Variants in CCDC144A observed in about 807,000 individuals in gnomAD.
CCDC144A encodes coiled-coil domain-containing protein 144A.
CCDC144A carries 41 observed loss-of-function variants against 143.8 expected under a neutral mutation model. The ratio of observed to expected loss-of-function variants is 0.29; its 90% CI spans 0.22 to 0.37. The LOEUF is 0.37. CCDC144A is among the 10% of genes least tolerant of loss of function. The pLI, the probability that CCDC144A is intolerant of heterozygous loss-of-function variation, is 1.00. For synonymous variants in CCDC144A, 242 were observed against 517.9 expected (o/e 0.47, Z 7.23); for missense variants, 637 against 1,488.8 (o/e 0.43, Z 9.41).
chr17:16,677,837 G>A, the CCDC144A span, among the ~76,000 whole-genome samples: 1 of 151,742 alleles, frequency 6.6e-6, no homozygotes, highest in African/African-American at 2.4e-5. Context: ...ATGAAAGCAG[G>A]AGGTAAATTG....
intron 2 of CCDC144A, among the ~76,000 whole-genome samples, chr17:16,693,317 T>TG (rs1911197690): frequency 8.4e-6 from 1 of 118,860 alleles, no homozygotes; most frequent in South Asian, 3.6e-4. Flanking sequence ...AGAAAAAGTG[T>TG]TTTTTTTTGT....
the CCDC144A span, among the ~76,000 whole-genome samples, chr17:16,667,312 G>GGCTGAGGC: frequency 8.1e-6 from 1 of 123,162 alleles, no homozygotes. Flanking sequence ...GCGGCTGAGG[G>GGCTGAGGC]GCTGAGGAGG....
chr17:16,741,951 T>G (rs4125016), intron 12 of CCDC144A, among the ~76,000 whole-genome samples: 16,970 of 152,004 alleles, frequency 0.11, 1,202 homozygotes, highest in South Asian at 0.29. Context: ...AAGCCAGGTG[T>G]AGTGGCACAC....
At chr17:16,734,455 G>GC in intron 11 of CCDC144A, among the ~76,000 whole-genome samples, 1 of 152,152 alleles carries the variant, frequency 6.6e-6, no homozygotes, top group African/African-American at 2.4e-5. Flanking sequence ...ATTCTGAGAT[G>GC]CTTAAAAATT....
the CCDC144A span, chr17:16,683,455 C>G: frequency 7.9e-7 from 1 of 1,271,078 alleles, no homozygotes. Flanking sequence ...GCTTCTGTCC[C>G]TGGCGGCAGA....
chr17:16,678,775 T>G, the CCDC144A span, among the ~76,000 whole-genome samples: 17 of 128,818 alleles, frequency 1.3e-4, no homozygotes, highest in African/African-American at 4.3e-4. Flanking sequence ...TTTTTTTTGG[T>G]CGGAGTTTTG....
chr17:16,758,356 C>T (rs1645606167), intron 12 of CCDC144A, among the ~76,000 whole-genome samples: 1 of 152,240 alleles, frequency 6.6e-6, no homozygotes, highest in African/African-American at 2.4e-5. Flanking sequence ...GCTTGAAGTG[C>T]AAGATCCTAC....
the CCDC144A span, among the ~76,000 whole-genome samples, chr17:16,678,971 C>T: frequency 6.6e-6 from 1 of 151,914 alleles, no homozygotes; most frequent in Non-Finnish European, 1.5e-5. Context: ...TCAGGCTGGT[C>T]TCAAACTCCC....
the CCDC144A span, among the ~76,000 whole-genome samples, chr17:16,674,708 C>A: frequency 1.3e-5 from 2 of 152,020 alleles, no homozygotes; most frequent in African/African-American, 4.8e-5. Flanking sequence ...AACAATCTAA[C>A]CAACAATATG....
At chr17:16,683,457 G>C in the CCDC144A span, 8 of 1,282,392 alleles carry the variant, frequency 6.2e-6, no homozygotes, top group Non-Finnish European at 8.9e-6. Flanking sequence ...TTCTGTCCCT[G>C]GCGGCAGAGT....
chr17:16,690,704 C>G lies in CCDC144A; in HGVS notation c.304C>G (p.Pro102Ala), dbSNP rs775425256. The change falls in exon 1 of 17, where the codon CCT (proline) becomes GCT (alanine). Residue 102 changes from proline (P) to alanine (A), a missense_variant. Coordinates refer to ENST00000399273, the MANE Select transcript of CCDC144A (RefSeq NM_001382000.1). The stretch of plus-strand genomic sequence containing the variant: ...CCCTGGGGTGGAGCACATCTTAGCT[C>G]CTGGAGACACTGGCGTGGACAAGAG... Reference protein sequence around the residue: ...DVPGVEHILAPGDTGVDKRDR... With the variant: ...DVPGVEHILAAGDTGVDKRDR... 2 of 1,612,898 alleles carry G rather than the reference C, an allele frequency of 1.2e-6. No individual in the cohort carries two copies. The highest frequency in any genetic ancestry group is 1.1e-5 in the South Asian group (1 of 91,042).
At chr17:16,706,313 C>A (rs1414247468) in intron 3 of CCDC144A, 1 of 145,106 alleles carries the variant, frequency 6.9e-6, no homozygotes. Flanking sequence ...GTTCTATCAC[C>A]AATGCAAATA....
chr17:16,715,479 A>C (rs1370544550), intron 6 of CCDC144A, among the ~76,000 whole-genome samples: 1 of 152,176 alleles, frequency 6.6e-6, no homozygotes, highest in Non-Finnish European at 1.5e-5. Context: ...GTCATTACTC[A>C]CTATTTATTC....
intron 12 of CCDC144A, among the ~76,000 whole-genome samples, chr17:16,737,883 A>T (rs1914094833): frequency 6.6e-6 from 1 of 152,070 alleles, no homozygotes. Flanking sequence ...CATACATTTT[A>T]AAAATAAGGA....
intron 12 of CCDC144A, among the ~76,000 whole-genome samples, chr17:16,757,699 G>A (rs1196135388): frequency 2.6e-5 from 4 of 152,242 alleles, no homozygotes; most frequent in Admixed American, 1.3e-4. Flanking sequence ...CTAAAGGTAT[G>A]TACAGGTATG....
In CCDC144A at chr17:16,722,549, G is replaced by A. The variant is rs546531597; in HGVS notation, c.1891+1891G>A. Among the ~76,000 whole-genome samples, 554 of 151,964 alleles carry A rather than the reference G, an allele frequency of 3.6e-3. 5 individuals carry two copies. The highest frequency in any genetic ancestry group is 0.013 in the African/African-American group (527 of 41,414). On this transcript the variant is annotated intron_variant, in intron 8 of 16. Transcript: ENST00000399273. Reference sequence around the variant, plus strand: ...CATCCAAAGTCCATAGTTTATATTAGGGTTCAGTCTCGGTGTCTTATATTC... The same window carrying A: ...CATCCAAAGTCCATAGTTTATATTAAGGTTCAGTCTCGGTGTCTTATATTC...
chr17:16,772,270 A>T (rs1915851131), intron 16 of CCDC144A, among the ~76,000 whole-genome samples: 1 of 152,148 alleles, frequency 6.6e-6, no homozygotes, highest in South Asian at 2.1e-4. Flanking sequence ...CACTTCTGCC[A>T]TCCCTATGGA....
At chr17:16,769,043 A>T (rs1392237084) in intron 15 of CCDC144A, among the ~76,000 whole-genome samples, 1 of 152,144 alleles carries the variant, frequency 6.6e-6, no homozygotes, top group African/African-American at 2.4e-5. Flanking sequence ...TAATGGGAGG[A>T]TGTGGCTCAG....
In CCDC144A at chr17:16,777,472, G is replaced by A. The variant is rs1352669218; in HGVS notation, c.*3839G>A. The A allele has an allele frequency of 7.2e-4, 104 of 145,404 alleles. No homozygotes were observed. The South Asian group carries it at 0.021, about 30-fold the overall frequency. The allele number at this position is 145,404 out of a possible 1,614,324, so 9.0% of individuals were successfully genotyped here. On this transcript the variant is annotated 3_prime_UTR_variant, in exon 17 of 17. Transcript: ENST00000399273. ...GACCATATGATAGGGCACAAAACAA[G>A]TCTCAGTAAATTTAAGAAAATCAGA...
Sources: gnomAD v4.1 joint callset for allele counts (sites outside exome capture counted in the v4.1 genomes callset) on GRCh38, gnomAD v4.1.1 for gene constraint, MANE v1.5 for transcripts, NCBI Gene and HGNC (gene_info 2026-07-23, HGNC 2026-07-21) for gene names.